RPH3A: variants seen among roughly 807,000 people sequenced by gnomAD.
RPH3A encodes the protein rabphilin-3A.
Under a neutral mutation model 102.2 loss-of-function variants are expected in RPH3A, and 48 were observed. That is an observed-to-expected ratio of 0.47 (90% CI 0.37 to 0.60). The LOEUF is 0.60. RPH3A is among the 20% of genes least tolerant of loss of function. The probability of loss-of-function intolerance (pLI) is 0.00; values close to 1 mark genes in which losing one functional copy is unlikely to be tolerated. For synonymous variants in RPH3A, 310 were observed against 324.3 expected (o/e 0.96, Z 0.47); for missense variants, 781 against 910.1 (o/e 0.86, Z 1.83).
rs1289589595 is a variant in RPH3A at position 112,887,742 on chromosome 12, T to C, written c.1437-55T>C. The stretch of plus-strand genomic sequence containing the variant: ...ATCAGCTGCAACTCTTGGCACACAG[T>C]GGTGTCTTAATATTTGTTCCTGTTT... On this transcript the variant is annotated intron_variant, in intron 16 of 21. Coordinates refer to ENST00000389385, the MANE Select transcript of RPH3A (RefSeq NM_001143854.2). 7 of 1,584,476 alleles carry C rather than the reference T, an allele frequency of 4.4e-6. No individual in the cohort carries two copies. In the Admixed American group the frequency reaches 5.1e-5, roughly 12 times the overall value.
chr12:112,863,809 A>G (rs1406595327), intron 5 of RPH3A, among the ~76,000 whole-genome samples: 1 of 152,266 alleles, frequency 6.6e-6, no homozygotes, highest in African/African-American at 2.4e-5. Context: ...AGCTGTTATT[A>G]TGCATGACTT....
intron 3 of RPH3A, chr12:112,831,662 C>A: frequency 2.8e-6 from 1 of 353,304 alleles, no homozygotes; most frequent in South Asian, 2.2e-5. Context: ...TGAAGTACAG[C>A]TTTTCATTTG....
chr12:112,873,703 C>T (rs2042744369), intron 10 of RPH3A, among the ~76,000 whole-genome samples: 1 of 152,226 alleles, frequency 6.6e-6, no homozygotes, highest in African/African-American at 2.4e-5. Flanking sequence ...ACCCCCACTA[C>T]CTCAACTGCA....
chr12:112,671,283 T>C (rs1281065441), intron 1 of RPH3A, among the ~76,000 whole-genome samples: 1 of 152,170 alleles, frequency 6.6e-6, no homozygotes, highest in African/African-American at 2.4e-5. Flanking sequence ...TGGAAAGCAG[T>C]CCAGGATTAG....
At chr12:112,795,747 G>A (rs2041215851) in intron 2 of RPH3A, among the ~76,000 whole-genome samples, 1 of 152,204 alleles carries the variant, frequency 6.6e-6, no homozygotes, top group Non-Finnish European at 1.5e-5. Context: ...TTCTGATTGT[G>A]TCACTTCACC....
chr12:112,707,198 G>A (rs933077723), intron 1 of RPH3A, among the ~76,000 whole-genome samples: 3 of 152,182 alleles, frequency 2.0e-5, no homozygotes, highest in Non-Finnish European at 4.4e-5. Context: ...TTGAAAATGA[G>A]CTTACCTGGC....
intron 1 of RPH3A, among the ~76,000 whole-genome samples, chr12:112,688,435 C>T (rs775922720): frequency 3.9e-5 from 6 of 152,092 alleles, no homozygotes; most frequent in Non-Finnish European, 8.8e-5. Context: ...AAATCATAGC[C>T]GTGAACCTCA....
chr12:112,680,584 C>A (rs577643486), intron 1 of RPH3A, among the ~76,000 whole-genome samples: 1 of 152,310 alleles, frequency 6.6e-6, no homozygotes, highest in East Asian at 1.9e-4. Flanking sequence ...GCCCCAGCAT[C>A]TCTGTACCTA....
chr12:112,889,864 T>C (rs2043062303), intron 17 of RPH3A, among the ~76,000 whole-genome samples, 160 bp from the exon 18 acceptor site: 2 of 152,216 alleles, frequency 1.3e-5, no homozygotes, highest in Admixed American at 1.3e-4. Context: ...GTTTTATAAA[T>C]TTTAGCTAAA....
intron 1 of RPH3A, among the ~76,000 whole-genome samples, chr12:112,685,860 T>C (rs1252759229): frequency 3.3e-5 from 5 of 152,244 alleles, no homozygotes; most frequent in African/African-American, 9.6e-5. Context: ...GAGTTTGGAA[T>C]CTGAGCTGTG....
chr12:112,793,868 G>A (rs1268936350), intron 2 of RPH3A, among the ~76,000 whole-genome samples: 1 of 152,116 alleles, frequency 6.6e-6, no homozygotes, highest in South Asian at 2.1e-4. Context: ...AGGTTTGGGG[G>A]GATCTTAGGG....
At chr12:112,621,450 C>T (rs2039723707) in intron 1 of RPH3A, among the ~76,000 whole-genome samples, 2 of 147,904 alleles carry the variant, frequency 1.4e-5, no homozygotes, top group African/African-American at 5.1e-5. Flanking sequence ...GGGTGACGGA[C>T]GCACCTGGAA....
chr12:112,595,701 G>A (rs2039511548), intron 1 of RPH3A, among the ~76,000 whole-genome samples: 1 of 151,950 alleles, frequency 6.6e-6, no homozygotes, highest in Admixed American at 6.6e-5. Context: ...TGTTTTCCCT[G>A]CTCTTCTCAG....
At chr12:112,724,052 A>ATTTTTTTT (rs146271090) in intron 1 of RPH3A, among the ~76,000 whole-genome samples, 2 of 117,324 alleles carry the variant, frequency 1.7e-5, no homozygotes, top group Non-Finnish European at 3.5e-5. Flanking sequence ...AATTTTTTTG[A>ATTTTTTTT]TTTTTTTTTT....
chr12:112,671,954 T>A (rs1038394910), intron 1 of RPH3A, among the ~76,000 whole-genome samples: 2 of 151,430 alleles, frequency 1.3e-5, no homozygotes, highest in African/African-American at 4.9e-5. Context: ...ATGTCCAAAA[T>A]GTAGTGGCTT....
intron 3 of RPH3A, among the ~76,000 whole-genome samples, chr12:112,829,382 T>C (rs1180591427): frequency 7.1e-6 from 1 of 141,404 alleles, no homozygotes; most frequent in Non-Finnish European, 1.6e-5. Flanking sequence ...GCAATCCTCT[T>C]GTCTCAGCCT....
chr12:112,611,765 A>C (rs892649276), intron 1 of RPH3A, among the ~76,000 whole-genome samples: 1 of 151,284 alleles, frequency 6.6e-6, no homozygotes, highest in Non-Finnish European at 1.5e-5. Context: ...GTTATTTTTT[A>C]CTTCAATATT....
intron 1 of RPH3A, among the ~76,000 whole-genome samples, chr12:112,695,777 C>T (rs1340039862): frequency 6.6e-6 from 1 of 152,230 alleles, no homozygotes; most frequent in Non-Finnish European, 1.5e-5. Flanking sequence ...TAGTACTTCT[C>T]ACGTGTTACA....
intron 1 of RPH3A, among the ~76,000 whole-genome samples, chr12:112,598,519 G>T (rs2039534545): frequency 1.3e-5 from 2 of 152,036 alleles, no homozygotes; most frequent in Admixed American, 1.3e-4. Context: ...GAGTTTGGCT[G>T]GTCTGAGTCT....
Sources: gnomAD v4.1 joint callset for allele counts (sites outside exome capture counted in the v4.1 genomes callset) on GRCh38, gnomAD v4.1.1 for gene constraint, MANE v1.5 for transcripts, NCBI Gene and HGNC (gene_info 2026-07-23, HGNC 2026-07-21) for gene names.